The following PIK3C2G variants were observed in gnomAD, a reference collection of about 807,000 sequenced individuals.
PIK3C2G encodes the protein phosphatidylinositol-4-phosphate 3-kinase catalytic subunit type 2 gamma.
PIK3C2G carries 168 observed loss-of-function variants against 181.1 expected under a neutral mutation model. The ratio of observed to expected loss-of-function variants is 0.93; its 90% CI spans 0.82 to 1.05. PIK3C2G has a LOEUF of 1.05. Among genes scored for constraint, PIK3C2G ranks in the 50% least tolerant of loss-of-function variants. The pLI is 0.00. For synonymous variants in PIK3C2G, 573 were observed against 592.2 expected, an observed-to-expected ratio of 0.97 and a Z score of 0.47; for missense variants, 1,869 against 1,732.8, an observed-to-expected ratio of 1.08 and a Z score of -1.40.
the PIK3C2G span, among the ~76,000 whole-genome samples, chr12:18,685,846 G>A: frequency 0.48 from 52,077 of 108,966 alleles, 10,628 homozygotes; most frequent in South Asian, 0.67. Context: ...ACACACACGC[G>A]CACACACACA....
At chr12:18,529,872 A>G (rs1175002208) in intron 24 of PIK3C2G, among the ~76,000 whole-genome samples, 1 of 152,174 alleles carries the variant, frequency 6.6e-6, no homozygotes, top group Non-Finnish European at 1.5e-5. Context: ...GGGGAAAGAC[A>G]GCCTAGAGCA....
chr12:18,489,967 A>G (rs1202905612), intron 19 of PIK3C2G, among the ~76,000 whole-genome samples: 1 of 152,152 alleles, frequency 6.6e-6, no homozygotes, highest in Non-Finnish European at 1.5e-5. Flanking sequence ...ATCTCTTCAC[A>G]TAGGAAAATA....
At chr12:18,545,750 A>G (rs1264534711) in intron 25 of PIK3C2G, among the ~76,000 whole-genome samples, 1 of 151,902 alleles carries the variant, frequency 6.6e-6, no homozygotes, top group African/African-American at 2.4e-5. Context: ...TGGAGTCATA[A>G]AAGAACATAG....
At chr12:18,481,633 C>T (rs1939569885) in intron 18 of PIK3C2G, among the ~76,000 whole-genome samples, 2 of 152,048 alleles carry the variant, frequency 1.3e-5, no homozygotes, top group Admixed American at 1.3e-4. Flanking sequence ...TAACCTATTG[C>T]AAAAGAAACA....
At chr12:18,500,142 T>C (rs867343266) in intron 22 of PIK3C2G, among the ~76,000 whole-genome samples, 5 of 152,126 alleles carry the variant, frequency 3.3e-5, no homozygotes, top group Non-Finnish European at 5.9e-5. Flanking sequence ...CGGGGAGTTA[T>C]GGAGGGAGAG....
intron 5 of PIK3C2G, among the ~76,000 whole-genome samples, chr12:18,309,297 A>G (rs533257190): frequency 1.2e-4 from 18 of 151,942 alleles, no homozygotes; most frequent in Admixed American, 1.2e-3. Flanking sequence ...ATGTTGCCAT[A>G]CTTTACCATA....
chr12:18,475,372 C>CG (rs1938869344), intron 18 of PIK3C2G, among the ~76,000 whole-genome samples: 1 of 49,096 alleles, frequency 2.0e-5, no homozygotes, highest in Non-Finnish European at 4.2e-5. Flanking sequence ...CCCACCACCC[C>CG]AACACACACA....
intron 8 of PIK3C2G, among the ~76,000 whole-genome samples, chr12:18,336,557 AT>A (rs1193245749): frequency 6.6e-6 from 1 of 152,134 alleles, no homozygotes. Context: ...TTTTGATTCT[AT>A]TTAATTGTGA....
chr12:18,520,702 G>A (rs886746687), intron 24 of PIK3C2G, among the ~76,000 whole-genome samples: 2 of 152,042 alleles, frequency 1.3e-5, no homozygotes, highest in Non-Finnish European at 2.9e-5. Flanking sequence ...CCCCCCTTCT[G>A]AAGCCTACTT....
At chr12:18,701,434 A>C in the PIK3C2G span, 1 of 1,605,306 alleles carries the variant, frequency 6.2e-7, no homozygotes, top group African/African-American at 1.3e-5. Flanking sequence ...ATTTTAAAAA[A>C]ATCTCCAAGA....
chr12:18,558,975 A>G (rs1253521908), intron 26 of PIK3C2G, among the ~76,000 whole-genome samples: 1 of 152,148 alleles, frequency 6.6e-6, no homozygotes, highest in East Asian at 1.9e-4. Flanking sequence ...AGTACCTGGC[A>G]TACAATAGGA....
intron 18 of PIK3C2G, among the ~76,000 whole-genome samples, chr12:18,476,184 CT>C (rs953245518): frequency 2.0e-5 from 3 of 152,006 alleles, no homozygotes; most frequent in African/African-American, 4.8e-5. Context: ...TCCAAGGAAG[CT>C]TTTTTTAGAA....
chr12:18,514,807 C>T (rs892055796), intron 24 of PIK3C2G, among the ~76,000 whole-genome samples: 1 of 151,844 alleles, frequency 6.6e-6, no homozygotes, highest in African/African-American at 2.4e-5. Context: ...AGTGGGCATC[C>T]TTGTCTTCTT....
intron 18 of PIK3C2G, among the ~76,000 whole-genome samples, chr12:18,468,006 T>C (rs913896128): frequency 6.6e-6 from 1 of 151,980 alleles, no homozygotes; most frequent in African/African-American, 2.4e-5. Flanking sequence ...TAATTTTAGC[T>C]ACATAAACAT....
In PIK3C2G at chr12:18,325,034, G is replaced by T; in HGVS notation, c.1209-1G>T. The T allele has an allele frequency of 6.7e-7, 1 of 1,503,688 alleles. No homozygotes were observed. The highest frequency in any genetic ancestry group is 1.9e-5 in the Admixed American group (1 of 53,320). 93.1% of individuals were successfully genotyped at this position (1,503,688 alleles called of 1,614,324 possible). A position where few individuals can be genotyped will look rare whatever the true frequency, so the allele number is the denominator to read the frequency against. On this transcript the variant is annotated splice_acceptor_variant, in intron 7 of 32. Coordinates refer to ENST00000538779, the MANE Select transcript of PIK3C2G (RefSeq NM_001288772.2). LOFTEE classifies it high-confidence loss of function. ...CAAAGTTTCTATTTTTTATTTTCCA[G>T]ACAATGTCTCTTAACACTCATCAGA...
At chr12:18,671,157 C>T in the PIK3C2G span, among the ~76,000 whole-genome samples, 1 of 149,984 alleles carries the variant, frequency 6.7e-6, no homozygotes, top group African/African-American at 2.5e-5. Flanking sequence ...CCATTGCCCT[C>T]CAGCCCGGGT....
At chr12:18,650,704 GTATATATCTATATATATATATATA>G (rs1950449649), downstream of PIK3C2G, among the ~76,000 whole-genome samples, 22 of 57,784 alleles carry the variant, frequency 3.8e-4, 1 homozygote, top group African/African-American at 1.1e-3. Context: ...GTGTGTGTGT[GTATATATCTATATATATATATATA>G]TATATATATA....
chr12:18,260,229 A>G (rs1459381591), upstream of PIK3C2G, among the ~76,000 whole-genome samples: 2 of 152,138 alleles, frequency 1.3e-5, no homozygotes, highest in African/African-American at 2.4e-5. Context: ...AAATGTTTCA[A>G]TTTTTGAAGG....
chr12:18,706,254 A>G, the PIK3C2G span, among the ~76,000 whole-genome samples: 6 of 152,182 alleles, frequency 3.9e-5, no homozygotes, highest in South Asian at 2.1e-4. Context: ...AAAAAAAAAA[A>G]AAGAAGAAGA....
Sources: gnomAD v4.1 joint callset for allele counts (sites outside exome capture counted in the v4.1 genomes callset) on GRCh38, gnomAD v4.1.1 for gene constraint, MANE v1.5 for transcripts, NCBI Gene and HGNC (gene_info 2026-07-23, HGNC 2026-07-21) for gene names.